Variants in SETDB1 observed in about 807,000 individuals in gnomAD.
SETDB1 encodes the protein histone-lysine N-methyltransferase SETDB1.
A neutral mutation model predicts 137.4 loss-of-function variants in SETDB1; 31 were observed. That is an observed-to-expected ratio of 0.23 (90% CI 0.17 to 0.30). The LOEUF (loss-of-function observed/expected upper bound fraction) is 0.30. Ranked by LOEUF, SETDB1 falls within the 10% of genes least tolerant of loss-of-function variation. The pLI is 1.00. For synonymous variants in SETDB1, 548 were observed against 579.9 expected (o/e 0.95, Z 0.79); for missense variants, 1,113 against 1,631.5 (o/e 0.68, Z 5.47).
At chr1:150,951,527 C>T (rs1177431037) in intron 14 of SETDB1, 46 bp downstream of exon 14, 2 of 1,002,162 alleles carry the variant, frequency 2.0e-6, no homozygotes, top group Non-Finnish European at 3.1e-6. Context: ...GACTGAGGAG[C>T]ATGTTCTTGT....
chr1:150,961,154 T>A lies in SETDB1; in HGVS notation c.3095T>A (p.Ile1032Asn). 1 of 1,613,832 alleles carries A rather than the reference T, an allele frequency of 6.2e-7. No individual in the cohort carries two copies. The highest frequency in any genetic ancestry group is 8.5e-7 in the Non-Finnish European group (1 of 1,180,018). Residue 1032 changes from isoleucine (I) to asparagine (N), a missense_variant, in exon 16 of 22, where the codon ATC becomes AAC. Ile to Asn is a moderately radical substitution (Grantham distance 149). Around this residue, in one of 11 missense-constraint regions of SETDB1, gnomAD observed 373 missense variants for 412.7 expected, o/e 0.90. Coordinates refer to ENST00000692827, the MANE Select transcript of SETDB1 (RefSeq NM_001366418.1). ...AAGGCCTCCACCTCAGGACTAGGCATCAAGGATGAGGGAGACATCAAACAG... is the reference window on the plus strand; with the variant it reads ...AAGGCCTCCACCTCAGGACTAGGCAACAAGGATGAGGGAGACATCAAACAG... The part of the protein sequence containing the change: ...AEKASTSGLG[I>N]KDEGDIKQAK...
intron 14 of SETDB1, among the ~76,000 whole-genome samples, chr1:150,957,961 C>T (rs1378947260): frequency 1.3e-5 from 2 of 152,174 alleles, no homozygotes; most frequent in South Asian, 2.1e-4. Flanking sequence ...CTAAGGCAGG[C>T]GGATCACATG....
chr1:150,934,123 A>G (rs963230558), intron 3 of SETDB1, among the ~76,000 whole-genome samples: 5 of 151,898 alleles, frequency 3.3e-5, no homozygotes, highest in Non-Finnish European at 7.4e-5. Context: ...AAGGGGTTGC[A>G]TCTGTACCTA....
At chr1:150,960,425 C>T (rs1406307655) in intron 15 of SETDB1, 138 bp from the exon 16 acceptor site, 29 of 696,458 alleles carry the variant, frequency 4.2e-5, no homozygotes, top group Admixed American at 1.7e-4. Context: ...TGCAGTGAGC[C>T]GAGATCGCGC....
intron 3 of SETDB1, among the ~76,000 whole-genome samples, chr1:150,939,206 C>T (rs943449953): frequency 4.0e-5 from 6 of 150,160 alleles, no homozygotes; most frequent in African/African-American, 1.2e-4. Context: ...CCCACCTCGG[C>T]CTCCCAAAGT....
chr1:150,946,050 C>T (rs1162761710), intron 9 of SETDB1, among the ~76,000 whole-genome samples: 1 of 151,738 alleles, frequency 6.6e-6, no homozygotes, highest in Non-Finnish European at 1.5e-5. Context: ...GAGACAGTCT[C>T]ACTCTGCCAC....
intron 8 of SETDB1, among the ~76,000 whole-genome samples, chr1:150,944,373 CAGA>C (rs1351272059): frequency 1.3e-5 from 2 of 152,196 alleles, no homozygotes; most frequent in Admixed American, 6.6e-5. Flanking sequence ...ATGCTTTCCA[CAGA>C]AGCTGTGTTA....
chr1:150,951,182 C>T, intron 13 of SETDB1, 92 bp downstream of exon 13: 4 of 1,378,854 alleles, frequency 2.9e-6, no homozygotes, highest in Non-Finnish European at 3.0e-6. Context: ...GTACTGCTTT[C>T]CCCATCTTCC....
Position 150,951,421 on chromosome 1 carries a change from G to A in SETDB1, c.2273G>A (p.Gly758Asp). The change falls in exon 14 of 22, where the codon GGC becomes GAC. Residue 758 changes from glycine (G) to aspartate (D), a missense_variant. Coordinates refer to ENST00000692827, the MANE Select transcript of SETDB1 (RefSeq NM_001366418.1). ...TIQATACTPG[G>D]QINPNSGYQY... ...CAGGCTACAGCCTGTACCCCAGGAGGCCAAATCAACCCTAACTCTGGCTAC... is the reference window on the plus strand; with the variant it reads ...CAGGCTACAGCCTGTACCCCAGGAGACCAAATCAACCCTAACTCTGGCTAC... 6.2e-7 allele frequency: 1 copy of A among 1,613,958 alleles called. No individual in the cohort carries two copies. Among genetic ancestry groups the A allele is most frequent in the Non-Finnish European group, 8.5e-7 (1 of 1,179,858 alleles).
chr1:150,927,597 ATAAC>A (rs1669572550), intron 1 of SETDB1, 103 bp from the exon 2 acceptor site: 2 of 973,872 alleles, frequency 2.1e-6, no homozygotes, highest in Non-Finnish European at 3.1e-6. Flanking sequence ...TTTGAATAGA[ATAAC>A]AGGCAGCAGA....
At chr1:150,954,402 C>G (rs1461564184) in intron 14 of SETDB1, among the ~76,000 whole-genome samples, 1 of 152,100 alleles carries the variant, frequency 6.6e-6, no homozygotes, top group Non-Finnish European at 1.5e-5. Context: ...ACTAATAAAC[C>G]TAGTGATCAG....
chr1:150,930,422 A>T (rs1231915471), intron 3 of SETDB1: 1 of 203,246 alleles, frequency 4.9e-6, no homozygotes, highest in Non-Finnish European at 9.9e-6. Flanking sequence ...ATTAGAATAT[A>T]AAAAATACAG....
At chr1:150,957,704 T>A (rs1019543509) in intron 14 of SETDB1, among the ~76,000 whole-genome samples, 7 of 152,182 alleles carry the variant, frequency 4.6e-5, no homozygotes, top group Non-Finnish European at 1.0e-4. Context: ...ATAATTAAAA[T>A]TTTTTTCTTT....
intron 12 of SETDB1, among the ~76,000 whole-genome samples, 182 bp downstream of exon 12, chr1:150,949,707 G>A (rs1489398451): frequency 6.6e-6 from 1 of 152,124 alleles, no homozygotes; most frequent in East Asian, 1.9e-4. Context: ...TAATTGAATT[G>A]GAAGCTGGGT....
chr1:150,932,551 T>A (rs972032134), intron 3 of SETDB1, among the ~76,000 whole-genome samples: 2 of 152,192 alleles, frequency 1.3e-5, no homozygotes, highest in Non-Finnish European at 2.9e-5. Context: ...CTAGTACATA[T>A]GTCAAAACTA....
At chr1:150,957,901 C>T (rs1181312171) in intron 14 of SETDB1, among the ~76,000 whole-genome samples, 2 of 151,980 alleles carry the variant, frequency 1.3e-5, no homozygotes, top group Non-Finnish European at 2.9e-5. Context: ...TATGAGCTCC[C>T]CTGGGCTGGG....
Position 150,936,674 on chromosome 1 carries a change from AACCTC to A in SETDB1, c.413-3264_413-3260del, listed in dbSNP as rs587744987. 5.8e-4 allele frequency among the ~76,000 whole-genome samples: 89 copies of A among 152,302 alleles called. No individual in the cohort carries two copies. In the East Asian group the frequency reaches 0.014, roughly 24 times the overall value. The stretch of plus-strand genomic sequence containing the variant: ...GAGTCACTAGTTCTTAGGATATAGA[AACCTC>A]AACTTTATTTGATATATATTTTTTT... On this transcript the variant is annotated intron_variant, in intron 3 of 21. Coordinates refer to ENST00000692827, the MANE Select transcript of SETDB1 (RefSeq NM_001366418.1).
chr1:150,932,996 ATTAAT>A, intron 3 of SETDB1, among the ~76,000 whole-genome samples: 1 of 151,926 alleles, frequency 6.6e-6, no homozygotes, highest in East Asian at 1.9e-4. Context: ...TTAATTTTTA[ATTAAT>A]TTTATTGTGT....
chr1:150,950,718 G>A lies in SETDB1; in HGVS notation c.1844G>A (p.Arg615Gln). The A allele has an allele frequency of 3.7e-6, 6 of 1,614,198 alleles. No individual in the cohort carries two copies. Among genetic ancestry groups the A allele is most frequent in the East Asian group, 2.2e-5 (1 of 44,880 alleles). Reference sequence around the variant, plus strand: ...TATGACTTCCGGCGGATGACAGCCCGGCGTCGAGTTAACCGCAAGATGGGC... The same window carrying A: ...TATGACTTCCGGCGGATGACAGCCCAGCGTCGAGTTAACCGCAAGATGGGC... The part of the protein sequence containing the change: ...LLYDFRRMTA[R>Q]RRVNRKMGFH... The change falls in exon 13 of 22, where the codon CGG becomes CAG. Residue 615 changes from arginine to glutamine, a missense_variant. By Grantham distance (43) the Arg-to-Gln change is conservative. This residue lies in a region of SETDB1 where 55 missense variants were observed against 118.5 expected (regional missense o/e 0.46). Coordinates refer to ENST00000692827, the MANE Select transcript of SETDB1 (RefSeq NM_001366418.1).
Sources: allele counts gnomAD v4.1 joint callset (sites outside exome capture counted in the v4.1 genomes callset), GRCh38; gene constraint gnomAD v4.1.1; regional missense constraint gnomAD v4.1.1; transcripts MANE v1.5; gene names NCBI Gene and HGNC (gene_info 2026-07-23, HGNC 2026-07-21).